EOGT: variants seen among roughly 807,000 people sequenced by gnomAD.
EOGT encodes EGF domain-specific O-linked N-acetylglucosamine transferase.
Under a neutral mutation model 70.5 loss-of-function variants are expected in EOGT, and 55 were observed. The observed-to-expected ratio is 0.78, with a 90% confidence interval of 0.63 to 0.98. EOGT has a LOEUF of 0.98. Among genes scored for constraint, EOGT ranks in the 50% least tolerant of loss-of-function variants. The pLI, the probability that EOGT is intolerant of heterozygous loss-of-function variation, is 0.00. For synonymous variants in EOGT, 246 were observed against 217.1 expected (o/e 1.13, Z -1.17); for missense variants, 703 against 641.9 (o/e 1.10, Z -1.03).
chr3:69,011,480 A>C (rs987573595), intron 3 of EOGT, among the ~76,000 whole-genome samples: 1 of 151,384 alleles, frequency 6.6e-6, no homozygotes, highest in Non-Finnish European at 1.5e-5. Flanking sequence ...ACAAAAAATC[A>C]GCTGTAGTCC....
At position 68,982,847 on chromosome 3, in the gene EOGT, G is replaced by A; in HGVS notation, c.1178C>T (p.Ser393Phe). The A allele has an allele frequency of 1.2e-6, 2 of 1,603,914 alleles. No individual in the cohort carries two copies. The highest frequency in any genetic ancestry group is 1.7e-6 in the Non-Finnish European group (2 of 1,175,242). The part of the protein sequence containing the change: ...NELVNALKTV[S>F]TFEVQIVDYK... Reference sequence around the variant, plus strand: ...ATCAACAATCTGGACTTCAAATGTAGATACTGTTTTCAGTGCATTTACAAG... The same window carrying A: ...ATCAACAATCTGGACTTCAAATGTAAATACTGTTTTCAGTGCATTTACAAG... Residue 393 changes from serine to phenylalanine, a missense_variant, in exon 15 of 18, where the codon TCT becomes TTT. Ser to Phe is a radical substitution (Grantham distance 155). Coordinates refer to ENST00000383701, the MANE Select transcript of EOGT (RefSeq NM_001278689.2).
chr3:69,009,352 G>A (rs1575784435), intron 4 of EOGT, among the ~76,000 whole-genome samples: 1 of 152,318 alleles, frequency 6.6e-6, no homozygotes. Context: ...TTAACAAGAT[G>A]TTCTTTCCTG....
intron 10 of EOGT, among the ~76,000 whole-genome samples, chr3:68,995,361 T>C (rs1408535163): frequency 1.3e-5 from 2 of 152,164 alleles, no homozygotes; most frequent in Admixed American, 6.5e-5. Flanking sequence ...GCTTAGTAAA[T>C]GGCTTCTTTG....
At chr3:68,984,205 C>CCT (rs61194778) in intron 14 of EOGT, among the ~76,000 whole-genome samples, 45,834 of 149,772 alleles carry the variant, frequency 0.31, 7,211 homozygotes, top group East Asian at 0.46. Context: ...AATCCCCTCC[C>CCT]CTCTCTCTCT....
At position 68,987,843 on chromosome 3, in the gene EOGT, T is replaced by G. The variant is rs79982363; in HGVS notation, c.1084-330A>C. ...GGAAAGGAGGACAGGAGGAAGCACATTCTTGTAATATCCCTTAGCTTCTCT... is the reference window on the plus strand; with the variant it reads ...GGAAAGGAGGACAGGAGGAAGCACAGTCTTGTAATATCCCTTAGCTTCTCT... On this transcript the variant is annotated intron_variant, in intron 13 of 17. Coordinates refer to ENST00000383701, the MANE Select transcript of EOGT (RefSeq NM_001278689.2). 8.4e-3 allele frequency: 3,245 copies of G among 387,002 alleles called. 47 individuals are homozygous for G. Among genetic ancestry groups the G allele is most frequent in the East Asian group, 0.037 (725 of 19,794 alleles). The allele number at this position is 387,002 out of a possible 1,614,324, so 24.0% of individuals were successfully genotyped here. A position where few individuals can be genotyped will look rare whatever the true frequency, so the allele number is the denominator to read the frequency against.
chr3:68,985,357 C>T (rs80325420), intron 14 of EOGT, among the ~76,000 whole-genome samples: 2 of 152,156 alleles, frequency 1.3e-5, no homozygotes, highest in African/African-American at 4.8e-5. Context: ...CCATATGGGT[C>T]TCAGGAAGAG....
chr3:69,012,743 G>C lies in EOGT; in HGVS notation c.-299C>G, dbSNP rs2091607973. ...TACTGGCCAGGCTACTTTTCCTTCA[G>C]CTCAAAGCAGCTGGAATCACTCCAC... On this transcript the variant is annotated 5_prime_UTR_variant, in exon 2 of 18. Transcript: ENST00000383701. The C allele has an allele frequency of 6.6e-6, 1 of 152,210 alleles. No individual in the cohort carries two copies. The highest frequency in any genetic ancestry group is 1.5e-5 in the Non-Finnish European group (1 of 68,110). 9.4% of individuals were successfully genotyped at this position (152,210 alleles called of 1,614,324 possible).
At chr3:69,006,623 A>G (rs549201260) in intron 6 of EOGT, among the ~76,000 whole-genome samples, 61 of 152,276 alleles carry the variant, frequency 4.0e-4, no homozygotes, top group Admixed American at 1.2e-3. Context: ...CTTCCTTACC[A>G]TATGCTACAT....
At chr3:69,001,154 T>G (rs912535614) in intron 9 of EOGT, among the ~76,000 whole-genome samples, 6 of 152,006 alleles carry the variant, frequency 3.9e-5, no homozygotes, top group African/African-American at 1.5e-4. Flanking sequence ...GAGACGAGGT[T>G]TCACCATGTT....
At chr3:68,977,809 A>G (rs370927829) in intron 17 of EOGT, 45 bp from the exon 18 acceptor site, 12 of 1,570,672 alleles carry the variant, frequency 7.6e-6, no homozygotes, top group East Asian at 2.3e-5. Flanking sequence ...CAATGAGGGC[A>G]TGGTTTTCTC....
At position 68,987,373 on chromosome 3, in the gene EOGT, GAA is replaced by G. The variant is rs11331317; in HGVS notation, c.1152+70_1152+71del. On this transcript the variant is annotated intron_variant, in intron 14 of 17. Transcript: ENST00000383701. ...TAAACCAAAGCTTTTAACGTAATGT[GAA>G]AAAAAAAAAAACACAATTTGCTCTA... The G allele has an allele frequency of 5.4e-3, 5,353 of 982,672 alleles. 13 individuals are homozygous for G. Among genetic ancestry groups the G allele is most frequent in the African/African-American group, 0.021 (1,251 of 58,248 alleles). The allele number at this position is 982,672 out of a possible 1,614,324, so 60.9% of individuals were successfully genotyped here. A position where few individuals can be genotyped will look rare whatever the true frequency, so the allele number is the denominator to read the frequency against.
chr3:68,983,579 T>A (rs2090715111), intron 14 of EOGT, among the ~76,000 whole-genome samples: 1 of 152,232 alleles, frequency 6.6e-6, no homozygotes, highest in African/African-American at 2.4e-5. Flanking sequence ...AACAGCAACA[T>A]CAACAGTTGC....
intron 16 of EOGT, 36 bp downstream of exon 16, chr3:68,979,632 A>G: frequency 6.2e-7 from 1 of 1,606,362 alleles, no homozygotes; most frequent in South Asian, 1.1e-5. Context: ...AAGCATTATC[A>G]GTTGCTTCAG....
chr3:69,009,160 G>A (rs1228799973), intron 4 of EOGT, among the ~76,000 whole-genome samples: 1 of 152,174 alleles, frequency 6.6e-6, no homozygotes, highest in East Asian at 1.9e-4. Context: ...GGGGCCCTGT[G>A]AGATGTCTTA....
chr3:68,982,990 G>A (rs998590449), intron 14 of EOGT, 118 bp from the exon 15 acceptor site: 39 of 571,544 alleles, frequency 6.8e-5, no homozygotes, highest in African/African-American at 2.5e-4. Context: ...AATATCATTT[G>A]GTAACAACAA....
rs1301431229 is a variant in EOGT, at chr3:68,988,313, G to A, written c.1065C>T (p.Ile355=). The change falls in exon 13 of 18, where the codon ATC becomes ATT. Residue 355 remains isoleucine, a synonymous_variant. Transcript: ENST00000383701. ...FAQHVLHRLN[I]TQEGPKDGKI... is the part of the protein sequence containing the mutation. ...CCATTACCTTAGGTCCTTCTTGTGT[G>A]ATGTTTAGTCTGTGTAGTACATGCT... 2.6e-6 allele frequency: 4 copies of A among 1,535,702 alleles called. No individual in the cohort carries two copies. The highest frequency in any genetic ancestry group is 3.5e-6 in the Non-Finnish European group (4 of 1,146,504).
At chr3:68,986,795 T>A (rs998512292) in intron 14 of EOGT, among the ~76,000 whole-genome samples, 1 of 152,190 alleles carries the variant, frequency 6.6e-6, no homozygotes, top group African/African-American at 2.4e-5. Flanking sequence ...GTAAGCTCCA[T>A]GAGGTCAGGC....
intron 10 of EOGT, among the ~76,000 whole-genome samples, chr3:68,991,731 C>A (rs1014028298): frequency 4.6e-5 from 7 of 152,094 alleles, no homozygotes; most frequent in Admixed American, 3.3e-4. Flanking sequence ...CACTTGAGGC[C>A]AGGAGTTCAA....
In EOGT at chr3:68,997,889, A is replaced by C. The variant is rs2091194582; in HGVS notation, c.831+122T>G. On this transcript the variant is annotated intron_variant, in intron 10 of 17. Transcript: ENST00000383701. ...TACAGATACATTCGCACCCATCCGC[A>C]TTATGTGCGGCTGTACATGTTGAAA... The C allele has an allele frequency of 9.4e-6, 6 of 636,182 alleles. No homozygotes were observed. In the South Asian group the frequency reaches 1.3e-4, roughly 14 times the overall value. The allele number at this position is 636,182 out of a possible 1,614,324, so 39.4% of individuals were successfully genotyped here. A position where few individuals can be genotyped will look rare whatever the true frequency, so the allele number is the denominator to read the frequency against.
Sources: allele counts gnomAD v4.1 joint callset (sites outside exome capture counted in the v4.1 genomes callset), GRCh38; gene constraint gnomAD v4.1.1; transcripts MANE v1.5; gene names NCBI Gene and HGNC (gene_info 2026-07-23, HGNC 2026-07-21).